Variants in KCNK9 observed in about 807,000 individuals in gnomAD.
The protein encoded by KCNK9 is potassium two pore domain channel subfamily K member 9, also known as potassium channel subfamily K member 9.
In KCNK9, 1 loss-of-function variant was observed where a neutral mutation model predicts 10.8. The ratio of observed to expected loss-of-function variants is 0.09; its 90% CI spans 0.03 to 0.44. The LOEUF (loss-of-function observed/expected upper bound fraction) is 0.44. Ranked by LOEUF, KCNK9 falls within the 20% of genes least tolerant of loss-of-function variation. The pLI, the probability that KCNK9 is intolerant of heterozygous loss-of-function variation, is 0.97. For synonymous variants in KCNK9, 231 were observed against 222.7 expected (o/e 1.04, Z -0.33); for missense variants, 303 against 515.0 (o/e 0.59, Z 3.98).
At chr8:139,701,828 A>G (rs2129826506) in intron 1 of KCNK9, among the ~76,000 whole-genome samples, 1 of 152,316 alleles carries the variant, frequency 6.6e-6, no homozygotes, top group East Asian at 1.9e-4. Flanking sequence ...TAGAGGGGAC[A>G]CTGCCCTCGG....
intron 1 of KCNK9, among the ~76,000 whole-genome samples, chr8:139,657,879 C>G (rs958888481): frequency 1.3e-5 from 2 of 152,204 alleles, no homozygotes; most frequent in African/African-American, 4.8e-5. Context: ...ACATCACCCC[C>G]ATCCAGGCAG....
chr8:139,641,569 G>A (rs1408310071), intron 1 of KCNK9, among the ~76,000 whole-genome samples: 8 of 152,134 alleles, frequency 5.3e-5, no homozygotes. Flanking sequence ...GCAAAGGTGT[G>A]GCACACGGTG....
At chr8:139,610,100 C>T (rs151022625), downstream of KCNK9, among the ~76,000 whole-genome samples, 1 of 152,198 alleles carries the variant, frequency 6.6e-6, no homozygotes, top group Admixed American at 6.5e-5. Context: ...CACCCAGAGG[C>T]CTCATTTCAA....
chr8:139,619,173 A>G, intron 1 of KCNK9, 74 bp from the exon 2 acceptor site: 2 of 1,557,780 alleles, frequency 1.3e-6, no homozygotes, highest in Non-Finnish European at 8.8e-7. Context: ...GGGAGGGTCG[A>G]CTTGGTGCAG....
At chr8:139,638,242 C>T (rs1815396859) in intron 1 of KCNK9, among the ~76,000 whole-genome samples, 1 of 152,074 alleles carries the variant, frequency 6.6e-6, no homozygotes. Context: ...TGCTCCTCAC[C>T]TGTACGTCCC....
chr8:139,676,649 G>T (rs1035738365), intron 1 of KCNK9, among the ~76,000 whole-genome samples: 1 of 152,272 alleles, frequency 6.6e-6, no homozygotes, highest in African/African-American at 2.4e-5. Context: ...CGACACGGAG[G>T]CACAAAATAC....
chr8:139,606,790 G>GT (rs1175941097), intron 2 of KCNK9, among the ~76,000 whole-genome samples: 5 of 152,182 alleles, frequency 3.3e-5, no homozygotes, highest in Non-Finnish European at 7.3e-5. Flanking sequence ...CCTCATCAAT[G>GT]TTTTTGGATA....
In KCNK9 at chr8:139,693,027, C is replaced by T. The variant is rs912745211; in HGVS notation, c.283+9683G>A. 6.6e-6 allele frequency among the ~76,000 whole-genome samples: 1 copy of T among 152,168 alleles called. No individual in the cohort carries two copies. Among genetic ancestry groups the T allele is most frequent in the Non-Finnish European group, 1.5e-5 (1 of 68,030 alleles). On this transcript the variant is annotated intron_variant, in intron 1 of 1. Coordinates refer to ENST00000520439, the MANE Select transcript of KCNK9 (RefSeq NM_001282534.2). This position sits in a 1 kb window ranked among gnomAD's most constrained non-coding sequence, Gnocchi z 4.1. Reference sequence around the variant, plus strand: ...GGCCCACCTGAGAGATTCACCCCAACCTCACCTGAGTTTTCACCCCAGCCC... The same window carrying T: ...GGCCCACCTGAGAGATTCACCCCAATCTCACCTGAGTTTTCACCCCAGCCC...
intron 1 of KCNK9, among the ~76,000 whole-genome samples, chr8:139,626,375 CTTGGG>C (rs754123398): frequency 6.6e-6 from 1 of 152,194 alleles, no homozygotes; most frequent in Non-Finnish European, 1.5e-5. Context: ...ATTCCTTCCA[CTTGGG>C]AATGCCCAGG....
intron 1 of KCNK9, among the ~76,000 whole-genome samples, chr8:139,630,522 T>C (rs933924514): frequency 9.9e-5 from 15 of 152,132 alleles, no homozygotes; most frequent in Non-Finnish European, 5.9e-5. Context: ...CCCACACCCT[T>C]CCACCCACTC....
intron 1 of KCNK9, among the ~76,000 whole-genome samples, chr8:139,689,252 C>G (rs1482133957): frequency 6.6e-6 from 1 of 152,306 alleles, no homozygotes; most frequent in East Asian, 1.9e-4. Flanking sequence ...AATGGCAGCC[C>G]CAGCAAACTG....
At chr8:139,629,581 G>T (rs963599249) in intron 1 of KCNK9, among the ~76,000 whole-genome samples, 5 of 152,138 alleles carry the variant, frequency 3.3e-5, no homozygotes, top group African/African-American at 1.2e-4. Context: ...GCTCAAGCTG[G>T]GCTGCCATAA....
intron 1 of KCNK9, among the ~76,000 whole-genome samples, chr8:139,675,026 C>A (rs1816518614): frequency 6.6e-6 from 1 of 152,248 alleles, no homozygotes; most frequent in Non-Finnish European, 1.5e-5. Flanking sequence ...TTAGAGTCAG[C>A]CACAATGGAT....
At chr8:139,624,120 C>T (rs1159888776) in intron 1 of KCNK9, among the ~76,000 whole-genome samples, 1 of 152,204 alleles carries the variant, frequency 6.6e-6, no homozygotes, top group South Asian at 2.1e-4. Context: ...GGGTACAAAG[C>T]CCCTGCACAC....
intron 1 of KCNK9, among the ~76,000 whole-genome samples, chr8:139,649,020 A>G (rs1175095561): frequency 6.6e-6 from 1 of 152,172 alleles, no homozygotes; most frequent in Middle Eastern, 3.2e-3. Context: ...CTCTTTCAAA[A>G]CCAAACTAAA....
At chr8:139,621,494 A>G (rs1379849008) in intron 1 of KCNK9, among the ~76,000 whole-genome samples, 2 of 152,212 alleles carry the variant, frequency 1.3e-5, no homozygotes, top group Non-Finnish European at 2.9e-5. Context: ...GCTTACATCT[A>G]AACATAAGCA....
chr8:139,625,970 T>C (rs1275140307), intron 1 of KCNK9, among the ~76,000 whole-genome samples: 1 of 152,102 alleles, frequency 6.6e-6, no homozygotes, highest in Non-Finnish European at 1.5e-5. Flanking sequence ...ACAGCATTAT[T>C]TCACTTAAAG....
chr8:139,601,716 G>A (rs1817374389), intron 2 of KCNK9: 1 of 152,168 alleles, frequency 6.6e-6, no homozygotes. Context: ...ACTGGAGTAG[G>A]CAATATTTAA....
intron 1 of KCNK9, among the ~76,000 whole-genome samples, chr8:139,668,422 C>CTTTTTT (rs35809199): frequency 1.6e-4 from 22 of 140,700 alleles, no homozygotes; most frequent in African/African-American, 5.8e-4. Context: ...GTAAACAATA[C>CTTTTTT]TTTTTTTTTT....
Sources: allele counts gnomAD v4.1 joint callset (sites outside exome capture counted in the v4.1 genomes callset), GRCh38; gene constraint gnomAD v4.1.1; non-coding constraint Gnocchi (gnomAD v3.1); transcripts MANE v1.5; gene names NCBI Gene and HGNC (gene_info 2026-07-23, HGNC 2026-07-21).